Variants in RRAGB observed in about 807,000 individuals in gnomAD.
RRAGB encodes Ras related GTP binding B.
In RRAGB, 6 loss-of-function variants were observed where a neutral mutation model predicts 29.3. That is an observed-to-expected ratio of 0.21 (90% CI 0.11 to 0.40). The LOEUF is 0.40. RRAGB is among the 10% of genes least tolerant of loss of function. RRAGB has a pLI of 1.00. For synonymous variants in RRAGB, 101 were observed against 92.5 expected (o/e 1.09, Z -0.53); for missense variants, 184 against 272.9 (o/e 0.67, Z 2.29).
chrX:55,750,671 T>C (rs1465520700), intron 5 of RRAGB, among the ~76,000 whole-genome samples: 1 of 111,711 alleles, frequency 9.0e-6, no homozygotes, highest in Admixed American at 9.5e-5. Context: ...TATCTGTGTA[T>C]ATATATTTAT....
At chrX:55,727,196 A>C in intron 3 of RRAGB, 1 of 699,656 alleles carries the variant, frequency 1.4e-6, no homozygotes. Context: ...TGGGAGTAGA[A>C]ACCTGATTTC....
chrX:55,744,203 A>G (rs1472704317), intron 5 of RRAGB, among the ~76,000 whole-genome samples: 1 of 108,454 alleles, frequency 9.2e-6, no homozygotes, highest in Non-Finnish European at 1.9e-5. Context: ...AGCCTGGCCA[A>G]CATGGCAAAA....
chrX:55,719,587 C>T (rs945400322), intron 2 of RRAGB, among the ~76,000 whole-genome samples: 1 of 111,791 alleles, frequency 8.9e-6, no homozygotes, highest in Non-Finnish European at 1.9e-5. Flanking sequence ...GAATAAAATC[C>T]AAATGATTTC....
At position 55,751,193 on chromosome X, in the gene RRAGB, T is replaced by G. The variant is rs754946164; in HGVS notation, c.609T>G (p.Tyr203Ter). The stretch of plus-strand genomic sequence containing the variant: ...CATCTATCTGGGATGAAACCCTCTA[T>G]AAGGTGTGTATGTCTCCCTGAGTTC... Reference protein sequence around the residue: ...FRTSIWDETLYKAWSSIVYQL... With the variant: ...FRTSIWDETL Residue 203 changes from tyrosine (Y) to a stop codon, truncating the protein, a stop_gained, in exon 6 of 10, where the codon TAT (tyrosine) becomes TAG (stop). Transcript: ENST00000374941. LOFTEE classifies it high-confidence loss of function. 9.0e-7 allele frequency: 1 copy of G among 1,109,536 alleles called. No homozygotes were observed. The highest frequency in any genetic ancestry group is 1.2e-6 in the Non-Finnish European group (1 of 806,951). The allele number at this position is 1,109,536 out of a possible 1,213,427, so 91.4% of individuals were successfully genotyped here.
intron 9 of RRAGB, among the ~76,000 whole-genome samples, chrX:55,757,962 C>G (rs766644560): frequency 8.9e-6 from 1 of 111,914 alleles, no homozygotes; most frequent in African/African-American, 3.2e-5. Context: ...GCTTTTGCTA[C>G]TTTAGGTTAA....
intron 6 of RRAGB, 107 bp downstream of exon 6, chrX:55,751,303 T>G (rs2034520484): frequency 2.3e-6 from 1 of 432,117 alleles, no homozygotes; most frequent in African/African-American, 2.5e-5. Context: ...CATCTAGATT[T>G]GTTGTACTAA....
chrX:55,723,233 C>T (rs1373475817), intron 3 of RRAGB, among the ~76,000 whole-genome samples: 1 of 110,161 alleles, frequency 9.1e-6, no homozygotes, highest in African/African-American at 3.3e-5. Context: ...GTCTTATCTC[C>T]TGGGTTCAAG....
At chrX:55,727,201 G>C (rs1444943895) in intron 3 of RRAGB, 9 of 741,466 alleles carry the variant, frequency 1.2e-5, no homozygotes, top group Non-Finnish European at 1.7e-5. Flanking sequence ...GTAGAAACCT[G>C]ATTTCTATCC....
intron 7 of RRAGB, among the ~76,000 whole-genome samples, chrX:55,753,895 A>G (rs750213716): frequency 8.9e-6 from 1 of 111,923 alleles, no homozygotes; most frequent in South Asian, 3.7e-4. Flanking sequence ...AAAATACAAA[A>G]TTAGCCAGGT....
intron 6 of RRAGB, among the ~76,000 whole-genome samples, chrX:55,751,830 C>T (rs942162319): frequency 1.8e-5 from 2 of 111,331 alleles, no homozygotes; most frequent in African/African-American, 6.5e-5. Context: ...GGCACATAGG[C>T]TCCTTATTCT....
At position 55,718,219 on chromosome X, in the gene RRAGB, G is replaced by GAA. The variant is rs1047233367; in HGVS notation, c.-109_-108insAA. 1 of 541,446 alleles carries GAA rather than the reference G, an allele frequency of 1.8e-6. No homozygotes were observed. The highest frequency in any genetic ancestry group is 2.3e-5 in the African/African-American group (1 of 42,731). The allele number at this position is 541,446 out of a possible 1,213,427, so 44.6% of individuals were successfully genotyped here. On this transcript the variant is annotated 5_prime_UTR_variant, in exon 1 of 10. Coordinates refer to ENST00000374941, the MANE Select transcript of RRAGB (RefSeq NM_006064.5). ...AATAGAGCAGGCCTGAGGGCCATAG[G>GAA]CGATGAGAATAGGCAGTTGAGGGGT...
chrX:55,743,753 C>G (rs1196573776), intron 5 of RRAGB, among the ~76,000 whole-genome samples: 1 of 112,298 alleles, frequency 8.9e-6, no homozygotes, highest in African/African-American at 3.2e-5. Context: ...CCTTCCAAGT[C>G]CCTGACCATC....
chrX:55,755,848 C>A lies in RRAGB; in HGVS notation c.743C>A (p.Ser248Tyr). 8.3e-7 allele frequency: 1 copy of A among 1,200,989 alleles called. No homozygotes were observed. Among genetic ancestry groups the A allele is most frequent in the Non-Finnish European group, 1.1e-6 (1 of 887,308 alleles). The change falls in exon 8 of 10, where the codon TCT (serine) becomes TAT (tyrosine). Residue 248 changes from serine to tyrosine, a missense_variant. Coordinates refer to ENST00000374941, the MANE Select transcript of RRAGB (RefSeq NM_006064.5). ...CAATATTCTTTTTCATAGGTAATTT[C>A]TCACTATCAGTGTAAAGAGCAGCGT... ...LFERATFLVI[S>Y]HYQCKEQRDA...
intron 3 of RRAGB, among the ~76,000 whole-genome samples, chrX:55,724,992 C>G (rs1362666626): frequency 9.0e-6 from 1 of 111,592 alleles, no homozygotes; most frequent in Non-Finnish European, 1.9e-5. Context: ...TTTTCTAGTC[C>G]AATTGCTGTT....
At position 55,729,604 on chromosome X, in the gene RRAGB, T is replaced by A. The variant is rs188793701; in HGVS notation, c.293+244T>A. Among the ~76,000 whole-genome samples, 381 of 111,735 alleles carry A rather than the reference T, an allele frequency of 3.4e-3. 3 individuals are homozygous for A. Among genetic ancestry groups the A allele is most frequent in the African/African-American group, 0.012 (370 of 30,751 alleles). On this transcript the variant is annotated intron_variant, in intron 4 of 9. Transcript: ENST00000374941. ...CCATCTAGGTATCTGTAGTTTGGGA[T>A]AGATTATCCCCTTTCGTGGAGGAAT...
chrX:55,740,044 G>A (rs1004061894), intron 5 of RRAGB, among the ~76,000 whole-genome samples: 9 of 111,955 alleles, frequency 8.0e-5, no homozygotes, highest in South Asian at 7.5e-4. Flanking sequence ...TGATTTTGCC[G>A]GGCGCGGTGG....
chrX:55,754,983 C>T (rs2034622983), intron 7 of RRAGB: 1 of 447,699 alleles, frequency 2.2e-6, no homozygotes, highest in African/African-American at 2.7e-5. Flanking sequence ...CCTACTATGT[C>T]TGCCACACAT....
intron 2 of RRAGB, among the ~76,000 whole-genome samples, chrX:55,719,631 T>C (rs762146341): frequency 8.9e-6 from 1 of 112,363 alleles, no homozygotes; most frequent in South Asian, 3.7e-4. Context: ...GACCAAACCC[T>C]GTGCCACACT....
intron 5 of RRAGB, among the ~76,000 whole-genome samples, chrX:55,748,303 TGAG>T (rs761475450): frequency 2.0e-4 from 22 of 112,046 alleles, no homozygotes; most frequent in Non-Finnish European, 4.1e-4. Flanking sequence ...GTCTGGGAAG[TGAG>T]GAGCGTCTCT....
Sources: allele counts gnomAD v4.1 joint callset (sites outside exome capture counted in the v4.1 genomes callset), GRCh38; gene constraint gnomAD v4.1.1; transcripts MANE v1.5; gene names NCBI Gene and HGNC (gene_info 2026-07-23, HGNC 2026-07-21).